ANK3: variants seen among roughly 807,000 people sequenced by gnomAD.
ANK3 encodes ankyrin 3.
A neutral mutation model predicts 370.9 loss-of-function variants in ANK3; 57 were observed. The observed-to-expected ratio is 0.15, with a 90% CI of 0.12 to 0.19. ANK3 has a LOEUF of 0.19. Ranked by LOEUF, ANK3 falls within the 10% of genes least tolerant of loss-of-function variation. The pLI, the probability that ANK3 is intolerant of heterozygous loss-of-function variation, is 1.00. For synonymous variants in ANK3, 1,929 were observed against 1,946.3 expected (o/e 0.99, Z 0.23); for missense variants, 4,439 against 5,302.1 (o/e 0.84, Z 5.06).
intron 2 of ANK3, among the ~76,000 whole-genome samples, chr10:60,563,141 A>G (rs1191514675): frequency 2.6e-5 from 4 of 152,336 alleles, no homozygotes; most frequent in East Asian, 1.9e-4. Context: ...TAAAAAACCA[A>G]GCTTTATAAA....
chr10:60,213,428 A>G lies in ANK3; in HGVS notation c.980T>C (p.Ile327Thr), dbSNP rs2096887176. The G allele has an allele frequency of 1.2e-6, 2 of 1,612,386 alleles. No individual in the cohort carries two copies. The highest frequency in any genetic ancestry group is 1.3e-5 in the African/African-American group (1 of 74,966). The change falls in exon 9 of 44, where the codon ATT becomes ACT. Residue 327 changes from isoleucine (I) to threonine (T), a missense_variant. By Grantham distance (89) the Ile-to-Thr change is moderately conservative (BLOSUM62 -1). Transcript: ENST00000280772. Reference protein sequence around the residue: ...VEMLLDRAAPILSKTKNGLSP... With the variant: ...VEMLLDRAAPTLSKTKNGLSP... Reference sequence around the variant, plus strand: ...AGAAATTACCTTGGTTTTTGAAAGAATGGGGGCAGCTCGATCAAGCAACAT... The same window carrying G: ...AGAAATTACCTTGGTTTTTGAAAGAGTGGGGGCAGCTCGATCAAGCAACAT...
chr10:60,373,273 G>T (rs577184773), intron 1 of ANK3, among the ~76,000 whole-genome samples: 1 of 152,288 alleles, frequency 6.6e-6, no homozygotes. Flanking sequence ...CTCTTGTGTG[G>T]GGAGAAGATT....
At chr10:60,562,580 A>AT (rs1451413828) in intron 2 of ANK3, among the ~76,000 whole-genome samples, 2 of 152,028 alleles carry the variant, frequency 1.3e-5, no homozygotes, top group African/African-American at 2.4e-5. Flanking sequence ...CGCCCAGCTT[A>AT]TTTTTTGTAT....
chr10:60,059,310 T>C (rs1157524840), intron 41 of ANK3, 30 bp downstream of exon 41: 1 of 1,557,126 alleles, frequency 6.4e-7, no homozygotes, highest in South Asian at 1.1e-5. Context: ...GTAACCTGTG[T>C]TCACTTTCCT....
chr10:60,727,952 C>T (rs1471639062), intron 1 of ANK3, among the ~76,000 whole-genome samples: 4 of 152,054 alleles, frequency 2.6e-5, no homozygotes, highest in Non-Finnish European at 5.9e-5. Context: ...AAAAATAAAC[C>T]GTTCATCCAA....
intron 2 of ANK3, among the ~76,000 whole-genome samples, chr10:60,504,972 T>A (rs2075896459): frequency 6.6e-6 from 1 of 152,164 alleles, no homozygotes; most frequent in African/African-American, 2.4e-5. Context: ...GGGATCATTA[T>A]AACTTTTCTA....
intron 7 of ANK3, among the ~76,000 whole-genome samples, chr10:60,240,068 T>TATATACAC (rs1227547953): frequency 3.8e-3 from 59 of 15,514 alleles, no homozygotes; most frequent in African/African-American, 7.6e-3. Context: ...CATATATACA[T>TATATACAC]ATATATACAT....
intron 2 of ANK3, among the ~76,000 whole-genome samples, chr10:60,420,948 G>A (rs1196386172): frequency 1.3e-5 from 2 of 152,054 alleles, no homozygotes; most frequent in Non-Finnish European, 2.9e-5. Context: ...GGTGGAAACA[G>A]CCCAACTGTT....
chr10:60,560,765 C>A (rs1488225803), intron 2 of ANK3, among the ~76,000 whole-genome samples: 1 of 152,130 alleles, frequency 6.6e-6, no homozygotes, highest in Non-Finnish European at 1.5e-5. Flanking sequence ...AAAATCACAA[C>A]CACAGTTGCT....
intron 1 of ANK3, among the ~76,000 whole-genome samples, chr10:60,656,515 A>G (rs1033443100): frequency 2.6e-5 from 4 of 151,864 alleles, no homozygotes; most frequent in African/African-American, 9.7e-5. Flanking sequence ...ACTAATTTCT[A>G]GTGTAATAAT....
At chr10:60,672,672 C>CTAGAA (rs2079076716) in intron 1 of ANK3, among the ~76,000 whole-genome samples, 3 of 152,162 alleles carry the variant, frequency 2.0e-5, no homozygotes, top group African/African-American at 7.2e-5. Context: ...TCTCTGAGTT[C>CTAGAA]TGCTGGAAGC....
chr10:60,213,244 A>C (rs1005500480), intron 9 of ANK3, among the ~76,000 whole-genome samples, 168 bp downstream of exon 9: 1 of 152,168 alleles, frequency 6.6e-6, no homozygotes, highest in Non-Finnish European at 1.5e-5. Flanking sequence ...ATTCTACATA[A>C]AATCTTAATT....
At chr10:60,183,066 G>C (rs1371295554) in intron 17 of ANK3, among the ~76,000 whole-genome samples, 3 of 152,168 alleles carry the variant, frequency 2.0e-5, no homozygotes, top group African/African-American at 4.8e-5. Flanking sequence ...GGCACATGTT[G>C]TCCCCTCATG....
At chr10:60,082,884 A>C (rs920855775) in intron 33 of ANK3, 147 bp from the exon 34 acceptor site, 1 of 933,598 alleles carries the variant, frequency 1.1e-6, no homozygotes, top group Non-Finnish European at 1.6e-6. Flanking sequence ...ATTATGCAGC[A>C]ACCGGGGTGG....
At chr10:60,249,667 T>C (rs1487473523) in intron 7 of ANK3, among the ~76,000 whole-genome samples, 1 of 152,208 alleles carries the variant, frequency 6.6e-6, no homozygotes, top group Non-Finnish European at 1.5e-5. Context: ...AATACTAAAG[T>C]CAGTCTGTGC....
chr10:60,186,827 T>C lies in ANK3; in HGVS notation c.1973A>G (p.Asn658Ser), dbSNP rs1474901386. 1.9e-6 allele frequency: 3 copies of C among 1,614,084 alleles called. No homozygotes were observed. The highest frequency in any genetic ancestry group is 2.5e-6 in the Non-Finnish European group (3 of 1,180,040). Reference sequence around the variant, plus strand: ...AGCAATTCCTTGCCGGGTAACTGCGTTGGCATCAGCACCATATTCCAGCAG... The same window carrying C: ...AGCAATTCCTTGCCGGGTAACTGCGCTGGCATCAGCACCATATTCCAGCAG... ...TTLLEYGADA[N>S]AVTRQGIASV... Residue 658 changes from asparagine to serine, a missense_variant, in exon 17 of 44, where the codon AAC (asparagine) becomes AGC (serine). Around this residue, in one of 13 missense-constraint regions of ANK3, gnomAD observed 192 missense variants for 192.1 expected, o/e 1.00. Coordinates refer to ENST00000280772, the MANE Select transcript of ANK3 (RefSeq NM_020987.5).
At chr10:60,481,845 C>A (rs2075226563) in intron 2 of ANK3, among the ~76,000 whole-genome samples, 1 of 152,184 alleles carries the variant, frequency 6.6e-6, no homozygotes, top group Admixed American at 6.5e-5. Flanking sequence ...CTAGCACAGA[C>A]ACCTAAACAT....
intron 2 of ANK3, among the ~76,000 whole-genome samples, chr10:60,453,811 T>C (rs2064673829): frequency 1.3e-5 from 2 of 152,162 alleles, no homozygotes; most frequent in African/African-American, 4.8e-5. Flanking sequence ...TCTGAAGTCA[T>C]AACATCATTT....
chr10:60,511,114 T>C (rs961428586), intron 2 of ANK3, among the ~76,000 whole-genome samples: 2 of 152,200 alleles, frequency 1.3e-5, no homozygotes, highest in Non-Finnish European at 1.5e-5. Flanking sequence ...TATTGACTGC[T>C]CTGGATATCA....
Sources: gnomAD v4.1 joint callset for allele counts (sites outside exome capture counted in the v4.1 genomes callset) on GRCh38, gnomAD v4.1.1 for gene constraint, gnomAD v4.1.1 regional missense constraint, MANE v1.5 for transcripts, NCBI Gene and HGNC (gene_info 2026-07-23, HGNC 2026-07-21) for gene names.